The following SEMA4B variants were observed in gnomAD, a reference collection of about 807,000 sequenced individuals.
The protein encoded by SEMA4B is semaphorin 4B.
SEMA4B carries 55 observed loss-of-function variants against 88.1 expected under a neutral mutation model. The observed-to-expected ratio is 0.62, with a 90% confidence interval of 0.50 to 0.78. The LOEUF (loss-of-function observed/expected upper bound fraction) is 0.78, where lower values mean the gene tolerates loss of function less well. Among genes scored for constraint, SEMA4B ranks in the 30% least tolerant of loss-of-function variants. The probability of loss-of-function intolerance (pLI) is 0.00; values close to 1 mark genes in which losing one functional copy is unlikely to be tolerated. For missense variants in SEMA4B, 1,062 were observed against 1,111.9 expected (o/e 0.96, Z 0.64); for synonymous variants, 525 against 473.6 (o/e 1.11, Z -1.41).
At position 90,228,689 on chromosome 15, in the gene SEMA4B, T is replaced by C. The variant is rs779280307; in HGVS notation, c.*46T>C. ...CTGCCCTGGCTTCAGGGGCTGTGAA[T>C]GCTCGGAGAGGGTCAACTGGACCTC... On this transcript the variant is annotated 3_prime_UTR_variant, in exon 14 of 14. Transcript: ENST00000411539. The C allele has an allele frequency of 6.2e-7, 1 of 1,609,388 alleles. No individual in the cohort carries two copies. The highest frequency in any genetic ancestry group is 8.5e-7 in the Non-Finnish European group (1 of 1,178,630).
chr15:90,221,837 A>G, intron 7 of SEMA4B, 72 bp downstream of exon 7: 1 of 1,464,706 alleles, frequency 6.8e-7, no homozygotes, highest in African/African-American at 1.6e-5. Context: ...GATCACCCAC[A>G]TCCATGCATG....
At chr15:90,206,565 C>T (rs1275697130) in intron 1 of SEMA4B, 3 of 506,208 alleles carry the variant, frequency 5.9e-6, no homozygotes, top group East Asian at 3.4e-5. Flanking sequence ...CCGTAACCCA[C>T]TGCCATGGCC....
Position 90,221,664 on chromosome 15 carries a change from C to G in SEMA4B, c.760C>G (p.Gln254Glu), listed in dbSNP as rs183556184. The G allele has an allele frequency of 2.5e-6, 4 of 1,614,032 alleles. No individual in the cohort carries two copies. In the Admixed American group the frequency reaches 6.7e-5, roughly 27 times the overall value. Reference sequence around the variant, plus strand: ...CATTCCTGAGAGCCTGGGCAGCTTGCAAGGCGATGATGACAAGATCTACTT... The same window carrying G: ...CATTCCTGAGAGCCTGGGCAGCTTGGAAGGCGATGATGACAAGATCTACTT... ...AYIPESLGSLQGDDDKIYFFF... is the reference protein window; with the variant it reads ...AYIPESLGSLEGDDDKIYFFF... The change falls in exon 7 of 14, where the codon CAA becomes GAA. Residue 254 changes from glutamine to glutamate, a missense_variant. Physicochemically the swap from Gln to Glu is conservative, Grantham distance 29. Transcript: ENST00000411539.
At chr15:90,195,938 C>CTTTTTCTTTTTT (rs10530160) in intron 1 of SEMA4B, among the ~76,000 whole-genome samples, 1 of 128,418 alleles carries the variant, frequency 7.8e-6, no homozygotes, top group Non-Finnish European at 1.7e-5. Context: ...TTTTTTTTTT[C>CTTTTTCTTTTTT]GAGACGGAGT....
At chr15:90,192,740 G>A (rs767023777) in intron 1 of SEMA4B, among the ~76,000 whole-genome samples, 11 of 151,930 alleles carry the variant, frequency 7.2e-5, no homozygotes, top group Admixed American at 1.3e-4. Flanking sequence ...ACAGCCTCAC[G>A]CCACCATGCC....
intron 1 of SEMA4B, among the ~76,000 whole-genome samples, chr15:90,211,518 A>G (rs774714874): frequency 1.2e-4 from 18 of 152,132 alleles, no homozygotes; most frequent in African/African-American, 3.1e-4. Context: ...CCCCTCCTCC[A>G]TGCTCCATGA....
chr15:90,202,509 T>C (rs1230456513), intron 1 of SEMA4B, among the ~76,000 whole-genome samples: 1 of 152,170 alleles, frequency 6.6e-6, no homozygotes, highest in African/African-American at 2.4e-5. Flanking sequence ...CCTCTCCTTT[T>C]CCCTTCCATC....
At position 90,228,335 on chromosome 15, in the gene SEMA4B, T is replaced by C. The variant is rs1330002119; in HGVS notation, c.2206T>C (p.Leu736=). 4 of 1,600,684 alleles carry C rather than the reference T, an allele frequency of 2.5e-6. No individual in the cohort carries two copies. The East Asian group carries it at 8.9e-5, about 36-fold the overall frequency. ...VLAVLLPVLF[L]LYRHRNSMKV... is the part of the protein sequence containing the mutation. Reference sequence around the variant, plus strand: ...GGCCGTGCTGCTCCCAGTTTTATTCTTGCTCTACCGGCACCGGAACAGCAT... The same window carrying C: ...GGCCGTGCTGCTCCCAGTTTTATTCCTGCTCTACCGGCACCGGAACAGCAT... Residue 736 remains leucine (L), a synonymous_variant, in exon 14 of 14, where the codon TTG becomes CTG. Coordinates refer to ENST00000411539, the MANE Select transcript of SEMA4B (RefSeq NM_198925.4).
intron 3 of SEMA4B, among the ~76,000 whole-genome samples, chr15:90,218,202 T>A (rs1961631005): frequency 6.6e-6 from 1 of 152,200 alleles, no homozygotes; most frequent in South Asian, 2.1e-4. Flanking sequence ...GTTGTGTCCC[T>A]CTGCAGATGG....
At chr15:90,211,466 G>A (rs1961263466) in intron 1 of SEMA4B, among the ~76,000 whole-genome samples, 1 of 152,154 alleles carries the variant, frequency 6.6e-6, no homozygotes, top group Non-Finnish European at 1.5e-5. Flanking sequence ...CCCTGGTCAG[G>A]GACTCGACTC....
At chr15:90,217,395 A>G (rs373319039) in intron 1 of SEMA4B, 44 bp from the exon 2 acceptor site, 6 of 1,581,366 alleles carry the variant, frequency 3.8e-6, no homozygotes, top group Non-Finnish European at 4.3e-6. Context: ...GAGGCTTCCC[A>G]TGGGAGGGGT....
In SEMA4B at chr15:90,228,979, A is replaced by G; in HGVS notation, c.*336A>G. ...AGAGGGAAGAGATAGCATGGCATGC[A>G]GCACACACGGCTGCTCCAGTTCATG... On this transcript the variant is annotated 3_prime_UTR_variant, in exon 14 of 14. Transcript: ENST00000411539. The G allele has an allele frequency of 2.4e-6, 1 of 411,630 alleles. No homozygotes were observed. Among genetic ancestry groups the G allele is most frequent in the East Asian group, 5.7e-5 (1 of 17,538 alleles). 25.5% of individuals were successfully genotyped at this position (411,630 alleles called of 1,614,324 possible). A position where few individuals can be genotyped will look rare whatever the true frequency, so the allele number is the denominator to read the frequency against.
chr15:90,224,924 A>G (rs1040083), intron 9 of SEMA4B, 44 bp from the exon 10 acceptor site: 1,329,793 of 1,557,724 alleles, frequency 0.85, 570,085 homozygotes, highest in East Asian at 1. Context: ...CCTGCCTGCC[A>G]CCCCGAGGTG....
upstream of SEMA4B, among the ~76,000 whole-genome samples, chr15:90,197,930 AT>A (rs564036454): frequency 0.028 from 4,049 of 143,016 alleles, 162 homozygotes; most frequent in African/African-American, 0.095. Flanking sequence ...TAATTAATTA[AT>A]TTTTTTTTTT....
At chr15:90,186,361 T>C (rs965477150) in intron 1 of SEMA4B, among the ~76,000 whole-genome samples, 2 of 152,092 alleles carry the variant, frequency 1.3e-5, no homozygotes, top group African/African-American at 4.8e-5. Flanking sequence ...GGCTCACGCC[T>C]GTAATCCCAG....
chr15:90,225,217 G>A (rs1166924857), intron 10 of SEMA4B, 39 bp downstream of exon 10: 2 of 1,559,544 alleles, frequency 1.3e-6, no homozygotes, highest in Middle Eastern at 1.7e-4. Context: ...GGGAAGGGGT[G>A]CACGTGGCTG....
intron 1 of SEMA4B, among the ~76,000 whole-genome samples, chr15:90,204,750 A>G (rs926354420): frequency 3.9e-5 from 6 of 152,030 alleles, no homozygotes; most frequent in Non-Finnish European, 7.4e-5. Context: ...TTTTTGGGCC[A>G]CCTTATTTGG....
At chr15:90,211,593 G>T (rs1961270206) in intron 1 of SEMA4B, among the ~76,000 whole-genome samples, 1 of 152,220 alleles carries the variant, frequency 6.6e-6, no homozygotes, top group East Asian at 1.9e-4. Context: ...CAGGTTGGCA[G>T]TGTGTCCCAG....
At chr15:90,224,881 C>A in intron 9 of SEMA4B, 87 bp from the exon 10 acceptor site, 3 of 1,120,216 alleles carry the variant, frequency 2.7e-6, no homozygotes, top group East Asian at 4.7e-5. Context: ...GGACAGACAC[C>A]GCTACTGTCC....
Sources: allele counts gnomAD v4.1 joint callset (sites outside exome capture counted in the v4.1 genomes callset), GRCh38; gene constraint gnomAD v4.1.1; transcripts MANE v1.5; gene names NCBI Gene and HGNC (gene_info 2026-07-23, HGNC 2026-07-21).